MLLT10: variants seen among roughly 807,000 people sequenced by gnomAD.
MLLT10 encodes protein AF-10.
In MLLT10, 30 loss-of-function variants were observed where a neutral mutation model predicts 129.1. The observed-to-expected ratio is 0.23, with a 90% confidence interval of 0.17 to 0.32. The LOEUF (loss-of-function observed/expected upper bound fraction) is 0.32, where lower values mean the gene tolerates loss of function less well. MLLT10 is among the 10% of genes least tolerant of loss of function. The pLI is 1.00. For missense variants in MLLT10, 1,119 were observed against 1,268.3 expected, an observed-to-expected ratio of 0.88 and a Z score of 1.79; for synonymous variants, 490 against 446.4, an observed-to-expected ratio of 1.10 and a Z score of -1.23.
chr10:21,673,317 A>AT, intron 10 of MLLT10, 33 bp from the exon 11 acceptor site: 3 of 173,584 alleles, frequency 1.7e-5, no homozygotes, highest in African/African-American at 1.2e-4. Context: ...CCACCCCCCA[A>AT]CTTTTTTTTT....
intron 4 of MLLT10, among the ~76,000 whole-genome samples, chr10:21,588,128 G>T (rs1395942608): frequency 6.6e-6 from 1 of 151,880 alleles, no homozygotes; most frequent in East Asian, 1.9e-4. Flanking sequence ...GTGCAGTGGT[G>T]CAGTCTCAGC....
At chr10:21,664,504 T>G (rs1413693681) in intron 9 of MLLT10, among the ~76,000 whole-genome samples, 1 of 151,772 alleles carries the variant, frequency 6.6e-6, no homozygotes, top group Non-Finnish European at 1.5e-5. Flanking sequence ...ACCATGTTGG[T>G]CAGGATGGTC....
At chr10:21,579,924 T>C (rs1483549335) in intron 3 of MLLT10, among the ~76,000 whole-genome samples, 1 of 152,120 alleles carries the variant, frequency 6.6e-6, no homozygotes, top group African/African-American at 2.4e-5. Flanking sequence ...TCATCTCAGA[T>C]TTGTTGTTAT....
rs76226251 is a variant in MLLT10 at position 21,704,016 on chromosome 10, G to T, written c.1700-9756G>T. 4.1e-3 allele frequency among the ~76,000 whole-genome samples: 235 copies of T among 56,632 alleles called. 1 individual carries two copies. Among genetic ancestry groups the T allele is most frequent in the East Asian group, 0.035 (58 of 1,644 alleles). 37.2% of individuals were successfully genotyped at this position (56,632 alleles called of 152,430 possible). On this transcript the variant is annotated intron_variant, in intron 13 of 22. Transcript: ENST00000307729. ...ACATTTTGGATTTCGATTGTTTTTTGTTTTTTTTTTTTTTTTTTTTTTTGA... is the reference window on the plus strand; with the variant it reads ...ACATTTTGGATTTCGATTGTTTTTTTTTTTTTTTTTTTTTTTTTTTTTTGA...
chr10:21,543,928 T>G (rs1214315703), intron 3 of MLLT10, among the ~76,000 whole-genome samples: 2 of 152,228 alleles, frequency 1.3e-5, no homozygotes, highest in Non-Finnish European at 2.9e-5. Flanking sequence ...TATGAATCTT[T>G]TTTCTACTTT....
intron 8 of MLLT10, among the ~76,000 whole-genome samples, chr10:21,648,883 A>G (rs900517993): frequency 3.3e-5 from 5 of 152,150 alleles, no homozygotes; most frequent in Non-Finnish European, 5.9e-5. Flanking sequence ...TTATAAAACC[A>G]TCAGCTCTCA....
intron 8 of MLLT10, chr10:21,625,782 C>T: frequency 1.3e-6 from 1 of 768,372 alleles, no homozygotes; most frequent in Non-Finnish European, 2.4e-6. Flanking sequence ...TTCACAGCTT[C>T]CTGTGCAGCT....
intron 9 of MLLT10, among the ~76,000 whole-genome samples, chr10:21,665,134 C>T (rs764215235): frequency 8.8e-4 from 133 of 151,440 alleles, no homozygotes; most frequent in Non-Finnish European, 1.6e-3. Flanking sequence ...TTAGTAGAGA[C>T]GGGGTTTCAC....
chr10:21,727,746 A>T, intron 15 of MLLT10, 110 bp from the exon 16 acceptor site: 2 of 762,032 alleles, frequency 2.6e-6, no homozygotes, highest in Non-Finnish European at 4.4e-6. Flanking sequence ...GGGAACTGCA[A>T]AGATAGTGGT....
intron 3 of MLLT10, chr10:21,556,751 G>A (rs767100264): frequency 1.2e-6 from 2 of 1,609,092 alleles, no homozygotes; most frequent in African/African-American, 1.3e-5. Flanking sequence ...GGTGTCTAAC[G>A]TTCCTCCAGT....
chr10:21,594,119 A>G (rs551591786), intron 4 of MLLT10, among the ~76,000 whole-genome samples: 8 of 151,614 alleles, frequency 5.3e-5, no homozygotes, highest in South Asian at 2.1e-4. Context: ...TTGAGGGTCT[A>G]TGTACTTTTT....
At chr10:21,683,674 G>A (rs777787073) in intron 13 of MLLT10, among the ~76,000 whole-genome samples, 5 of 151,998 alleles carry the variant, frequency 3.3e-5, no homozygotes, top group Non-Finnish European at 5.9e-5. Flanking sequence ...GGAAAAATTT[G>A]TACAGTATTT....
intron 3 of MLLT10, among the ~76,000 whole-genome samples, chr10:21,551,204 C>T (rs767161828): frequency 6.8e-5 from 10 of 147,182 alleles, no homozygotes; most frequent in Admixed American, 4.1e-4. Flanking sequence ...GGATTATAGG[C>T]GTGAGCCACC....
chr10:21,668,272 G>C (rs1412553250), intron 9 of MLLT10, among the ~76,000 whole-genome samples: 1 of 152,114 alleles, frequency 6.6e-6, no homozygotes. Flanking sequence ...CTTACTCATA[G>C]TGTGTCTTTC....
In MLLT10 at chr10:21,726,280, C is replaced by G. The variant is rs758970965; in HGVS notation, c.1915C>G (p.Pro639Ala). ...ATCTGGATCTTCTCTCAGTCAGGCA[C>G]CATCTCATATGTATGGCAATAGATC... ...TLSGSSLSQA[P>A]SHMYGNRSNS... is the part of the protein sequence containing the mutation. Residue 639 changes from proline to alanine, a missense_variant, in exon 15 of 23, where the codon CCA (proline) becomes GCA (alanine). Transcript: ENST00000307729. The G allele has an allele frequency of 6.2e-7, 1 of 1,612,914 alleles. No individual in the cohort carries two copies. Among genetic ancestry groups the G allele is most frequent in the East Asian group, 2.2e-5 (1 of 44,762 alleles).
intron 14 of MLLT10, among the ~76,000 whole-genome samples, chr10:21,716,259 T>C (rs903528370): frequency 2.6e-5 from 4 of 152,264 alleles, no homozygotes; most frequent in African/African-American, 7.2e-5. Context: ...CACTCTCATA[T>C]AGACCCTGTT....
At chr10:21,699,723 TTC>T (rs976848932) in intron 13 of MLLT10, among the ~76,000 whole-genome samples, 7 of 152,166 alleles carry the variant, frequency 4.6e-5, no homozygotes, top group Non-Finnish European at 1.0e-4. Flanking sequence ...GGGTTCTCTA[TTC>T]TGTTTCATTG....
intron 8 of MLLT10, among the ~76,000 whole-genome samples, chr10:21,636,454 C>T (rs2047468667): frequency 6.6e-6 from 1 of 152,042 alleles, no homozygotes; most frequent in South Asian, 2.1e-4. Context: ...ATTTTCATTT[C>T]ACTTTTATAT....
chr10:21,717,837 C>T (rs2056831579), intron 14 of MLLT10, among the ~76,000 whole-genome samples: 2 of 143,288 alleles, frequency 1.4e-5, no homozygotes, highest in South Asian at 2.3e-4. Context: ...TTCTCCTCCT[C>T]CTTCTCCTCC....
Sources: allele counts gnomAD v4.1 joint callset (sites outside exome capture counted in the v4.1 genomes callset), GRCh38; gene constraint gnomAD v4.1.1; transcripts MANE v1.5; gene names NCBI Gene and HGNC (gene_info 2026-07-23, HGNC 2026-07-21).